The following CDON variants were observed in gnomAD, a reference collection of about 807,000 sequenced individuals.
CDON encodes the protein cell adhesion molecule-related/down-regulated by oncogenes.
In CDON, 73 loss-of-function variants were observed where a neutral mutation model predicts 120.9. The observed-to-expected ratio is 0.60, with a 90% CI of 0.50 to 0.73. The LOEUF (loss-of-function observed/expected upper bound fraction) is 0.73. Among genes scored for constraint, CDON ranks in the 30% least tolerant of loss-of-function variants. The pLI is 0.00. For missense variants in CDON, 1,470 were observed against 1,587.3 expected (o/e 0.93, Z 1.26); for synonymous variants, 566 against 573.5 (o/e 0.99, Z 0.19).
In CDON at chr11:125,989,750, T is replaced by C. The variant is rs1383177646; in HGVS notation, c.2660A>G (p.Gln887Arg). The change falls in exon 15 of 20, where the codon CAG becomes CGG. Residue 887 changes from glutamine (Q) to arginine (R), a missense_variant. Gln to Arg is a conservative substitution (Grantham distance 43). Coordinates refer to ENST00000531738, the MANE Select transcript of CDON (RefSeq NM_001378964.1). Reference protein sequence around the residue: ...YKRDVVEGSKQWHMIGHLQPE... With the variant: ...YKRDVVEGSKRWHMIGHLQPE... ...CTGCAGGTGGCCAATCATGTGCCACTGCTTTGAACCTAAAAGGAAAAATAA... is the reference window on the plus strand; with the variant it reads ...CTGCAGGTGGCCAATCATGTGCCACCGCTTTGAACCTAAAAGGAAAAATAA... The C allele has an allele frequency of 6.2e-7, 1 of 1,612,988 alleles. No homozygotes were observed. Among genetic ancestry groups the C allele is most frequent in the East Asian group, 2.2e-5 (1 of 44,828 alleles).
intron 16 of CDON, among the ~76,000 whole-genome samples, chr11:125,981,965 A>ATTTCCTTTTTTTT (rs1946318366): frequency 2.9e-5 from 1 of 34,428 alleles, no homozygotes; most frequent in Admixed American, 3.4e-4. Context: ...AAGTGATTCT[A>ATTTCCTTTTTTTT]TTTTCTTTTT....
intron 18 of CDON, among the ~76,000 whole-genome samples, chr11:125,968,800 G>C (rs1472009067): frequency 6.6e-6 from 1 of 152,082 alleles, no homozygotes; most frequent in Non-Finnish European, 1.5e-5. Context: ...ATAATCATCA[G>C]TAATTAACCA....
chr11:126,011,580 T>G (rs1438281275), intron 7 of CDON, among the ~76,000 whole-genome samples: 1 of 152,266 alleles, frequency 6.6e-6, no homozygotes, highest in Non-Finnish European at 1.5e-5. Context: ...CATGAATCTT[T>G]TCTGCAGTGA....
intron 1 of CDON, among the ~76,000 whole-genome samples, chr11:126,045,556 A>T (rs1266920414): frequency 1.3e-5 from 2 of 152,284 alleles, no homozygotes; most frequent in East Asian, 3.8e-4. Context: ...TACTTTGGAA[A>T]TTCGTTTTAG....
At chr11:125,979,606 T>C (rs967451784) in intron 17 of CDON, among the ~76,000 whole-genome samples, 50 of 152,236 alleles carry the variant, frequency 3.3e-4, no homozygotes, top group African/African-American at 1.2e-3. Flanking sequence ...GTACACCAAA[T>C]GGGGCACCTA....
intron 4 of CDON, among the ~76,000 whole-genome samples, chr11:126,018,769 T>G (rs1473547277): frequency 6.6e-6 from 1 of 152,148 alleles, no homozygotes; most frequent in Non-Finnish European, 1.5e-5. Flanking sequence ...GGGGTCTCAC[T>G]ATATTGCCCA....
chr11:125,965,484 A>G (rs1195209624), intron 18 of CDON, among the ~76,000 whole-genome samples: 1 of 152,138 alleles, frequency 6.6e-6, no homozygotes, highest in African/African-American at 2.4e-5. Context: ...AGGAGGAAAC[A>G]AGGTGTCAAG....
At chr11:126,042,498 T>TA in intron 1 of CDON, among the ~76,000 whole-genome samples, 1 of 152,126 alleles carries the variant, frequency 6.6e-6, no homozygotes, top group South Asian at 2.1e-4. Context: ...GAAACATATA[T>TA]TTTTTTTATG....
At chr11:125,976,427 T>C (rs373052255) in intron 18 of CDON, among the ~76,000 whole-genome samples, 3 of 151,974 alleles carry the variant, frequency 2.0e-5, no homozygotes, top group East Asian at 3.9e-4. Flanking sequence ...GAATCTGGTG[T>C]TCCAAGCTGA....
At chr11:126,062,050 T>C (rs897171381) in intron 1 of CDON, among the ~76,000 whole-genome samples, 1 of 152,168 alleles carries the variant, frequency 6.6e-6, no homozygotes, top group East Asian at 1.9e-4. Flanking sequence ...GATAATGCAA[T>C]CCACAGAAAG....
At chr11:126,036,072 T>C (rs1167318098) in intron 1 of CDON, among the ~76,000 whole-genome samples, 2 of 152,136 alleles carry the variant, frequency 1.3e-5, no homozygotes, top group Non-Finnish European at 2.9e-5. Flanking sequence ...TACACACATA[T>C]GTATACATAC....
At chr11:126,047,430 G>A (rs646725) in intron 1 of CDON, among the ~76,000 whole-genome samples, 24,749 of 151,988 alleles carry the variant, frequency 0.16, 2,255 homozygotes, top group Middle Eastern at 0.25. Flanking sequence ...TTACTCCCAC[G>A]GCAAGAGCTC....
At chr11:126,011,288 T>C (rs538954564) in intron 7 of CDON, among the ~76,000 whole-genome samples, 63 of 152,344 alleles carry the variant, frequency 4.1e-4, no homozygotes, top group African/African-American at 1.4e-3. Flanking sequence ...TGGAGGTATT[T>C]TGAAGAGAGC....
At chr11:126,000,331 C>A (rs1190907728) in intron 11 of CDON, among the ~76,000 whole-genome samples, 1 of 152,180 alleles carries the variant, frequency 6.6e-6, no homozygotes, top group Non-Finnish European at 1.5e-5. Context: ...CCTCAGCCTC[C>A]TGAGTAGCTA....
At chr11:125,971,707 T>C (rs962397715) in intron 18 of CDON, among the ~76,000 whole-genome samples, 8 of 152,184 alleles carry the variant, frequency 5.3e-5, no homozygotes, top group Non-Finnish European at 8.8e-5. Context: ...TTCCTGTCCA[T>C]CTCCAGTCTC....
intron 14 of CDON, 114 bp downstream of exon 14, chr11:125,994,170 C>T: frequency 1.4e-6 from 1 of 718,102 alleles, no homozygotes; most frequent in Non-Finnish European, 2.6e-6. Context: ...ACAGCAATAA[C>T]ACATACACCA....
rs986344569 is a variant in CDON, at chr11:126,031,009, A to G, written c.-61-7472T>C. ...TATGAGGGGTGCAAAGATATACCAA[A>G]CTAAAGGAAACTGCTCAACTAAGAA... On this transcript the variant is annotated intron_variant, in intron 1 of 19. Transcript: ENST00000531738. 1.2e-4 allele frequency among the ~76,000 whole-genome samples: 18 copies of G among 152,366 alleles called. 1 individual carries two copies. Among genetic ancestry groups the G allele is most frequent in the Admixed American group, 5.9e-4 (9 of 15,310 alleles).
At chr11:126,031,693 A>G (rs1947948975) in intron 1 of CDON, among the ~76,000 whole-genome samples, 2 of 152,096 alleles carry the variant, frequency 1.3e-5, no homozygotes, top group South Asian at 4.1e-4. Flanking sequence ...GTTGTGAAAC[A>G]CTCTTGTGTT....
intron 5 of CDON, 55 bp downstream of exon 5, chr11:126,018,275 A>G (rs954758513): frequency 7.6e-6 from 12 of 1,576,686 alleles, no homozygotes; most frequent in South Asian, 1.1e-5. Flanking sequence ...TCATTGCCCA[A>G]CTTTTTATGA....
Sources: gnomAD v4.1 joint callset for allele counts (sites outside exome capture counted in the v4.1 genomes callset) on GRCh38, gnomAD v4.1.1 for gene constraint, MANE v1.5 for transcripts, NCBI Gene and HGNC (gene_info 2026-07-23, HGNC 2026-07-21) for gene names.